NEK9: variants seen among roughly 807,000 people sequenced by gnomAD.
NEK9 encodes NIMA related kinase 9, also known as serine/threonine-protein kinase Nek9.
NEK9 carries 75 observed loss-of-function variants against 123.4 expected under a neutral mutation model. The ratio of observed to expected loss-of-function variants is 0.61; its 90% CI spans 0.50 to 0.74. NEK9 has a LOEUF of 0.74. Among genes scored for constraint, NEK9 ranks in the 30% least tolerant of loss-of-function variants. NEK9 has a pLI of 0.00. For synonymous variants in NEK9, 438 were observed against 458.7 expected (o/e 0.95, Z 0.58); for missense variants, 952 against 1,214.4 (o/e 0.78, Z 3.21).
At chr14:75,089,699 C>G (rs931366141) in intron 19 of NEK9, among the ~76,000 whole-genome samples, 8 of 149,180 alleles carry the variant, frequency 5.4e-5, no homozygotes, top group Non-Finnish European at 1.2e-4. Flanking sequence ...CCATGCCCAG[C>G]TAATTTTTTT....
chr14:75,094,184 A>ATATATAATATG (rs1566642884), intron 18 of NEK9, among the ~76,000 whole-genome samples: 5 of 152,236 alleles, frequency 3.3e-5, no homozygotes, highest in Non-Finnish European at 7.3e-5. Flanking sequence ...GTAATAAGTC[A>ATATATAATATG]GTGTATATGT....
intron 6 of NEK9, chr14:75,116,502 G>C (rs1276893456): frequency 5.6e-6 from 2 of 358,328 alleles, no homozygotes; most frequent in African/African-American, 4.4e-5. Flanking sequence ...ACGTTTCTAG[G>C]AAAGTGATGC....
rs1171571240 is a variant in NEK9, at chr14:75,107,462, T to C, written c.1208A>G (p.His403Arg). 3 of 1,612,620 alleles carry C rather than the reference T, an allele frequency of 1.9e-6. No individual in the cohort carries two copies. The highest frequency in any genetic ancestry group is 2.5e-6 in the Non-Finnish European group (3 of 1,179,406). ...TTTGTCTCCATGGCCCAGCTGACCA[T>C]GGAGTTTAGTGCCTCCTTGCATGTT... Reference protein sequence around the residue: ...WVNMQGGTKLHGQLGHGDKAS... With the variant: ...WVNMQGGTKLRGQLGHGDKAS... The change falls in exon 11 of 22, where the codon CAT becomes CGT. Residue 403 changes from histidine to arginine, a missense_variant. His to Arg is a conservative substitution (Grantham distance 29). Transcript: ENST00000238616.
intron 21 of NEK9, 83 bp from the exon 22 acceptor site, chr14:75,084,769 A>G: frequency 1.3e-6 from 2 of 1,556,022 alleles, no homozygotes; most frequent in South Asian, 1.1e-5. Context: ...TTCAATGCCA[A>G]CTTCTAAGGC....
chr14:75,104,488 CT>C (rs56719668), intron 13 of NEK9, among the ~76,000 whole-genome samples: 40 of 142,400 alleles, frequency 2.8e-4, no homozygotes, highest in South Asian at 4.4e-4. Context: ...TTCTTTTCTT[CT>C]TTTTTTTTTT....
rs904986092 is a variant in NEK9 at position 75,079,668 on chromosome 14, T to C, written c.*4896A>G. ...CATTTAAAAACTGGGATATGGAACA[T>C]CTCTTGAAAAACTGGAAGTTCTGGA... On this transcript the variant is annotated 3_prime_UTR_variant, in exon 22 of 22. Transcript: ENST00000238616. The C allele has an allele frequency of 6.6e-6, 1 of 152,170 alleles. No homozygotes were observed. The highest frequency in any genetic ancestry group is 2.4e-5 in the African/African-American group (1 of 41,440). 9.4% of individuals were successfully genotyped at this position (152,170 alleles called of 1,614,324 possible). A position where few individuals can be genotyped will look rare whatever the true frequency, so the allele number is the denominator to read the frequency against.
At position 75,103,864 on chromosome 14, in the gene NEK9, A is replaced by G; in HGVS notation, c.1709T>C (p.Met570Thr). ...CACTTCATGGTTGATAATTCCCGACATGCACTGATTCAGACCCAGCTTATT... is the reference window on the plus strand; with the variant it reads ...CACTTCATGGTTGATAATTCCCGACGTGCACTGATTCAGACCCAGCTTATT... ...EFNKLGLNQC[M>T]SGIINHEAYH... The change falls in exon 14 of 22, where the codon ATG (methionine) becomes ACG (threonine). Residue 570 changes from methionine to threonine, a missense_variant. Physicochemically the swap from Met to Thr is moderately conservative, Grantham distance 81 (BLOSUM62 -1). Coordinates refer to ENST00000238616, the MANE Select transcript of NEK9 (RefSeq NM_033116.6). The G allele has an allele frequency of 2.5e-6, 4 of 1,613,426 alleles. No individual in the cohort carries two copies. The highest frequency in any genetic ancestry group is 3.4e-6 in the Non-Finnish European group (4 of 1,179,794).
rs926645699 is a variant in NEK9 at position 75,079,539 on chromosome 14, T to G, written c.*5025A>C. The G allele has an allele frequency of 1.3e-5, 2 of 152,330 alleles. No homozygotes were observed. The highest frequency in any genetic ancestry group is 4.1e-4 in the South Asian group (2 of 4,822). The allele number at this position is 152,330 out of a possible 1,614,324, so 9.4% of individuals were successfully genotyped here. A position where few individuals can be genotyped will look rare whatever the true frequency, so the allele number is the denominator to read the frequency against. The stretch of plus-strand genomic sequence containing the variant: ...ATGTAAACCAGTACATTGCAATAGA[T>G]GGCAAGAGTAAGCTGTGGCCAAGGT... On this transcript the variant is annotated 3_prime_UTR_variant, in exon 22 of 22. Transcript: ENST00000238616.
intron 2 of NEK9, 28 bp from the exon 3 acceptor site, chr14:75,121,202 A>G (rs772137022): frequency 1.3e-6 from 2 of 1,584,726 alleles, no homozygotes; most frequent in South Asian, 2.2e-5. Flanking sequence ...ACAGATTTGA[A>G]TTGCTTAATA....
At chr14:75,104,136 G>C in intron 13 of NEK9, 139 bp from the exon 14 acceptor site, 1 of 842,582 alleles carries the variant, frequency 1.2e-6, no homozygotes, top group African/African-American at 1.7e-5. Context: ...ATTCTTTTCA[G>C]GTTTGCCCAG....
intron 21 of NEK9, chr14:75,086,770 G>C (rs1052696909): frequency 2.4e-6 from 1 of 417,342 alleles, no homozygotes; most frequent in Non-Finnish European, 4.5e-6. Flanking sequence ...GCCGGGCATG[G>C]TGGTGCACAC....
intron 10 of NEK9, among the ~76,000 whole-genome samples, chr14:75,108,514 C>CGTGTGTGT (rs35358755): frequency 1.3e-4 from 19 of 147,816 alleles, no homozygotes; most frequent in African/African-American, 4.0e-4. Context: ...TGTGCGTGTG[C>CGTGTGTGT]GTGTGTGTGT....
chr14:75,095,250 A>G (rs528469259), intron 18 of NEK9, 122 bp downstream of exon 18: 178 of 637,666 alleles, frequency 2.8e-4, no homozygotes, highest in Non-Finnish European at 4.4e-4. Flanking sequence ...TCTCTTAACC[A>G]CTGTATTCCT....
At chr14:75,107,134 T>C (rs1197216482) in intron 11 of NEK9, among the ~76,000 whole-genome samples, 4 of 151,984 alleles carry the variant, frequency 2.6e-5, no homozygotes, top group Non-Finnish European at 5.9e-5. Context: ...TCCCACCTCT[T>C]CTCTGTTACC....
At position 75,113,345 on chromosome 14, in the gene NEK9, C is replaced by T. The variant is rs144284031; in HGVS notation, c.932G>A (p.Arg311His). 1.1e-4 allele frequency: 172 copies of T among 1,612,392 alleles called. No individual in the cohort carries two copies. Among genetic ancestry groups the T allele is most frequent in the East Asian group, 4.5e-5 (2 of 44,872 alleles). The change falls in exon 8 of 22, where the codon CGC becomes CAC. Residue 311 changes from arginine (R) to histidine (H), a missense_variant. By Grantham distance (29) the Arg-to-His change is conservative. Around this residue, in one of 4 missense-constraint regions of NEK9, gnomAD observed 698 missense variants for 875.6 expected, o/e 0.80. Transcript: ENST00000238616. ...ELLDRPLLRK[R>H]RREMEEKVTL... ...TGACTTCTTCATAATTTACCTCCTG[C>T]GTTTCCTGAGAAGAGGGCGATCTAG...
chr14:75,125,825 C>T (rs1223102220), intron 1 of NEK9, among the ~76,000 whole-genome samples: 1 of 152,200 alleles, frequency 6.6e-6, no homozygotes, highest in Admixed American at 6.5e-5. Flanking sequence ...GATGAATCAC[C>T]TTCAGCAACC....
intron 17 of NEK9, among the ~76,000 whole-genome samples, chr14:75,095,903 A>G (rs548324782): frequency 2.5e-4 from 38 of 152,314 alleles, no homozygotes; most frequent in African/African-American, 7.9e-4. Context: ...ATTTAAAAAA[A>G]GGAAGTAACA....
rs1895551004 is a variant in NEK9, at chr14:75,126,833, G to T, written c.89C>A (p.Pro30Gln). 5 of 1,532,946 alleles carry T rather than the reference G, an allele frequency of 3.3e-6. No homozygotes were observed. The highest frequency in any genetic ancestry group is 4.4e-6 in the Non-Finnish European group (5 of 1,140,366). 95.0% of individuals were successfully genotyped at this position (1,532,946 alleles called of 1,614,324 possible). The change falls in exon 1 of 22, where the codon CCG becomes CAG. Residue 30 changes from proline to glutamine, a missense_variant. Pro to Gln is a moderately conservative substitution (Grantham distance 76, BLOSUM62 -1). Around this residue, in one of 4 missense-constraint regions of NEK9, gnomAD observed 120 missense variants for 97.6 expected, o/e 1.23. Transcript: ENST00000238616. Reference protein sequence around the residue: ...SESGGCGDSSPGPSASQGPRA... With the variant: ...SESGGCGDSSQGPSASQGPRA... Reference sequence around the variant, plus strand: ...CGGCCCCTGACTGGCGCTAGGCCCCGGACTCGAGTCCCCGCAACCCCCGGA... The same window carrying T: ...CGGCCCCTGACTGGCGCTAGGCCCCTGACTCGAGTCCCCGCAACCCCCGGA...
intron 20 of NEK9, among the ~76,000 whole-genome samples, 158 bp from the exon 21 acceptor site, chr14:75,087,388 T>G (rs1260856030): frequency 1.3e-5 from 2 of 152,232 alleles, no homozygotes; most frequent in East Asian, 3.8e-4. Context: ...ATGCTAGGAT[T>G]ATAACAGCGA....
Sources: gnomAD v4.1 joint callset for allele counts (sites outside exome capture counted in the v4.1 genomes callset) on GRCh38, gnomAD v4.1.1 for gene constraint, gnomAD v4.1.1 regional missense constraint, MANE v1.5 for transcripts, NCBI Gene and HGNC (gene_info 2026-07-23, HGNC 2026-07-21) for gene names.